The following CTCFL variants were observed in gnomAD, a reference collection of about 807,000 sequenced individuals.
CTCFL encodes CCCTC-binding factor like.
CTCFL carries 36 observed loss-of-function variants against 67.4 expected under a neutral mutation model. The ratio of observed to expected loss-of-function variants is 0.53; its 90% CI spans 0.41 to 0.71. The LOEUF (loss-of-function observed/expected upper bound fraction) is 0.71. Among genes scored for constraint, CTCFL ranks in the 30% least tolerant of loss-of-function variants. The pLI, the probability that CTCFL is intolerant of heterozygous loss-of-function variation, is 0.00. For missense variants in CTCFL, 786 were observed against 835.2 expected (o/e 0.94, Z 0.73); for synonymous variants, 324 against 302.3 (o/e 1.07, Z -0.75).
intron 7 of CTCFL, chr20:57,513,251 CGTT>C (rs1478048296): frequency 3.0e-6 from 3 of 985,264 alleles, no homozygotes; most frequent in Admixed American, 6.1e-5. Context: ...ATAATCCACT[CGTT>C]GTTAGAAGTC....
rs2067745724 is a variant in CTCFL, at chr20:57,497,743, A to C, written c.*807T>G. On this transcript the variant is annotated 3_prime_UTR_variant, in exon 11 of 11. Transcript: ENST00000243914. ...CCAATTATTTTACAAATATAAAAAG[A>C]GTAGTTTTAGCAGAAAAAAGGGTTA... 1.0e-6 allele frequency: 1 copy of C among 984,166 alleles called. No homozygotes were observed. The highest frequency in any genetic ancestry group is 1.2e-6 in the Non-Finnish European group (1 of 829,398). The allele number at this position is 984,166 out of a possible 1,614,324, so 61.0% of individuals were successfully genotyped here.
At chr20:57,522,569 T>C (rs1472197774) in intron 3 of CTCFL, among the ~76,000 whole-genome samples, 5 of 152,020 alleles carry the variant, frequency 3.3e-5, no homozygotes, top group Non-Finnish European at 7.4e-5. Flanking sequence ...ACAAAGTAAA[T>C]ACTTCCAGAG....
intron 5 of CTCFL, among the ~76,000 whole-genome samples, chr20:57,516,879 T>C (rs1173141665): frequency 6.6e-6 from 1 of 152,260 alleles, no homozygotes; most frequent in African/African-American, 2.4e-5. Context: ...TCTGTATTCG[T>C]GTATCACAGG....
intron 10 of CTCFL, 128 bp downstream of exon 10, chr20:57,503,308 T>A (rs891633428): frequency 1.8e-6 from 2 of 1,113,298 alleles, no homozygotes; most frequent in East Asian, 4.8e-5. Context: ...CAAGCCACCT[T>A]GCAGGACCGA....
At chr20:57,503,990 C>G (rs1254141639) in intron 9 of CTCFL, among the ~76,000 whole-genome samples, 2 of 151,878 alleles carry the variant, frequency 1.3e-5, no homozygotes, top group African/African-American at 4.8e-5. Context: ...GCCAAGGAAG[C>G]TACACTCAGG....
intron 1 of CTCFL, chr20:57,524,750 T>G: frequency 1.0e-6 from 1 of 987,294 alleles, no homozygotes. Flanking sequence ...CCTAGCACCC[T>G]CAGAGCCAGG....
intron 6 of CTCFL, chr20:57,515,483 C>T: frequency 1.9e-6 from 1 of 519,396 alleles, no homozygotes; most frequent in South Asian, 2.3e-5. Flanking sequence ...TCTACGGAAG[C>T]AAATACTTTG....
chr20:57,496,739 G>A (rs1242059571), downstream of CTCFL, among the ~76,000 whole-genome samples: 1 of 152,098 alleles, frequency 6.6e-6, no homozygotes, highest in Non-Finnish European at 1.5e-5. Flanking sequence ...TCAGCATAAC[G>A]TCCTCAAGGT....
At chr20:57,520,875 A>G (rs946229925) in intron 3 of CTCFL, among the ~76,000 whole-genome samples, 1 of 152,224 alleles carries the variant, frequency 6.6e-6, no homozygotes, top group South Asian at 2.1e-4. Flanking sequence ...AATCAAGCTA[A>G]GCTGAGGTCA....
At chr20:57,497,007 A>AT (rs34176396), downstream of CTCFL, among the ~76,000 whole-genome samples, 189 of 138,982 alleles carry the variant, frequency 1.4e-3, 1 homozygote, top group Admixed American at 2.7e-3. Flanking sequence ...TGCTATTTCC[A>AT]TTTTTTTTTT....
chr20:57,501,301 C>T (rs985587169), intron 10 of CTCFL, among the ~76,000 whole-genome samples: 7 of 151,806 alleles, frequency 4.6e-5, no homozygotes, highest in South Asian at 2.1e-4. Flanking sequence ...GGTGGGTGGT[C>T]GCGCGAAGTG....
At chr20:57,522,750 G>A (rs1003725549) in intron 3 of CTCFL, among the ~76,000 whole-genome samples, 3 of 152,118 alleles carry the variant, frequency 2.0e-5, no homozygotes, top group East Asian at 3.8e-4. Context: ...CTCACCACCT[G>A]TCCTGTAATG....
At position 57,498,680 on chromosome 20, in the gene CTCFL, G is replaced by A. The variant is rs184614019; in HGVS notation, c.1862C>T (p.Ser621Phe). 12 of 1,613,730 alleles carry A rather than the reference G, an allele frequency of 7.4e-6. No individual in the cohort carries two copies. In the African/African-American group the frequency reaches 1.3e-4, roughly 18 times the overall value. ...NGDEAAAEEA[S>F]TTKGEQFPGE... ...TGGGAACTGTTCTCCCTTCGTGGTG[G>A]AAGCCTCCTCAGCAGCAGCTTCTTG... The change falls in exon 11 of 11, where the codon TCC (serine) becomes TTC (phenylalanine). Residue 621 changes from serine (S) to phenylalanine (F), a missense_variant. Around this residue, in one of 3 missense-constraint regions of CTCFL, gnomAD observed 199 missense variants for 196.7 expected, o/e 1.01. Coordinates refer to ENST00000243914, the MANE Select transcript of CTCFL (RefSeq NM_001386993.1).
At position 57,497,465 on chromosome 20, in the gene CTCFL, A is replaced by G; in HGVS notation, c.*1085T>C. The G allele has an allele frequency of 1.0e-6, 1 of 985,450 alleles. No homozygotes were observed. Among genetic ancestry groups the G allele is most frequent in the Non-Finnish European group, 1.2e-6 (1 of 829,924 alleles). The allele number at this position is 985,450 out of a possible 1,614,324, so 61.0% of individuals were successfully genotyped here. ...AATTTAGGGCTTATCAATGATCTTG[A>G]AATACAGGGGTGGAGACAGGTTGGC... On this transcript the variant is annotated 3_prime_UTR_variant, in exon 11 of 11. Transcript: ENST00000243914.
In CTCFL at chr20:57,501,232, C is replaced by T. The variant is rs998360051; in HGVS notation, c.1840+2204G>A. Among the ~76,000 whole-genome samples the T allele has an allele frequency of 1.2e-4, 19 of 152,298 alleles. No homozygotes were observed. In the South Asian group the frequency reaches 1.4e-3, roughly 12 times the overall value. ...CTGCGGTGCCCTGCATGTGGGAATC[C>T]GGCACTTATTAAAGAACCAAATAAG... is the stretch of plus-strand genomic sequence containing the variant. On this transcript the variant is annotated intron_variant, in intron 10 of 10. Coordinates refer to ENST00000243914, the MANE Select transcript of CTCFL (RefSeq NM_001386993.1).
chr20:57,523,614 G>T (rs751382264), intron 2 of CTCFL, 49 bp downstream of exon 2: 37 of 1,564,420 alleles, frequency 2.4e-5, no homozygotes, highest in Admixed American at 3.8e-5. Flanking sequence ...AAGCCGACTT[G>T]AATTTTTTCT....
At chr20:57,499,091 G>T in intron 10 of CTCFL, among the ~76,000 whole-genome samples, 1 of 127,668 alleles carries the variant, frequency 7.8e-6, no homozygotes, top group Non-Finnish European at 1.7e-5. Context: ...GGGTGGGGGG[G>T]GGACACAGTC....
In CTCFL at chr20:57,524,337, G is replaced by A. The variant is rs896301160; in HGVS notation, c.-11-121C>T. On this transcript the variant is annotated intron_variant, in intron 1 of 10. Coordinates refer to ENST00000243914, the MANE Select transcript of CTCFL (RefSeq NM_001386993.1). ...TTGAAACAAGGTCTGGCCTCAAAAGGTTTTGGACTTAGTAGGGTCAGAACA... is the reference window on the plus strand; with the variant it reads ...TTGAAACAAGGTCTGGCCTCAAAAGATTTTGGACTTAGTAGGGTCAGAACA... The A allele has an allele frequency of 1.8e-5, 27 of 1,497,724 alleles. No homozygotes were observed. The African/African-American group carries it at 3.1e-4, about 17-fold the overall frequency. The allele number at this position is 1,497,724 out of a possible 1,614,324, so 92.8% of individuals were successfully genotyped here.
intron 10 of CTCFL, among the ~76,000 whole-genome samples, chr20:57,502,030 G>C (rs2067944252): frequency 6.6e-6 from 1 of 152,224 alleles, no homozygotes; most frequent in Non-Finnish European, 1.5e-5. Context: ...GGAGAAAGGA[G>C]GGTGCTCCGC....
Sources: gnomAD v4.1 joint callset for allele counts (sites outside exome capture counted in the v4.1 genomes callset) on GRCh38, gnomAD v4.1.1 for gene constraint, gnomAD v4.1.1 regional missense constraint, MANE v1.5 for transcripts, NCBI Gene and HGNC (gene_info 2026-07-23, HGNC 2026-07-21) for gene names.